Variants in TGIF1 observed in about 807,000 individuals in gnomAD.
TGIF1 encodes homeobox protein TGIF1.
A neutral mutation model predicts 19.3 loss-of-function variants in TGIF1; 4 were observed. The observed-to-expected ratio is 0.21, with a 90% confidence interval of 0.10 to 0.47. The LOEUF is 0.47. TGIF1 is among the 20% of genes least tolerant of loss of function. The pLI is 0.98. For missense variants in TGIF1, 275 were observed against 341.4 expected (o/e 0.81, Z 1.53); for synonymous variants, 122 against 129.3 (o/e 0.94, Z 0.38).
upstream of TGIF1, chr18:3,447,623 G>T (rs1011302816): frequency 8.8e-7 from 1 of 1,133,636 alleles, no homozygotes; most frequent in Non-Finnish European, 1.3e-6. Flanking sequence ...GTTGGCTGGG[G>T]GGAGGCAGTG....
Position 3,455,706 on chromosome 18 carries a change from A to C in TGIF1, c.17-648A>C, listed in dbSNP as rs1025244733. 3 of 155,306 alleles carry C rather than the reference A, an allele frequency of 1.9e-5. No homozygotes were observed. In the East Asian group the frequency reaches 5.7e-4, roughly 30 times the overall value. 9.6% of individuals were successfully genotyped at this position (155,306 alleles called of 1,614,324 possible). A position where few individuals can be genotyped will look rare whatever the true frequency, so the allele number is the denominator to read the frequency against. On this transcript the variant is annotated intron_variant, in intron 1 of 2. Transcript: ENST00000343820. ...TACTGCCCATTTAAAGTAGGTGTCTAACTTTGAATAAATGTGGATAGCAAT... is the reference window on the plus strand; with the variant it reads ...TACTGCCCATTTAAAGTAGGTGTCTCACTTTGAATAAATGTGGATAGCAAT...
chr18:3,453,964 C>A, intron 1 of TGIF1: 1 of 450,918 alleles, frequency 2.2e-6, no homozygotes, highest in Non-Finnish European at 2.9e-6. Context: ...TTTTTCCAAG[C>A]TGAGCCACAA....
intron 1 of TGIF1, among the ~76,000 whole-genome samples, chr18:3,417,568 A>G (rs959613127): frequency 3.5e-4 from 53 of 152,370 alleles, no homozygotes; most frequent in African/African-American, 1.1e-3. Context: ...CATGTAAAGT[A>G]TAATCCCATT....
At chr18:3,445,723 CAAAAAAAAAAA>C (rs141550400), upstream of TGIF1, among the ~76,000 whole-genome samples, 996 of 17,638 alleles carry the variant, frequency 0.056, 24 homozygotes, top group African/African-American at 0.19. Flanking sequence ...GACTCTGTCT[CAAAAAAAAAAA>C]AAAAAAAAAA....
At chr18:3,448,078 G>A (rs1290379095), upstream of TGIF1, 1 of 977,250 alleles carries the variant, frequency 1.0e-6, no homozygotes, top group Non-Finnish European at 1.2e-6. Flanking sequence ...GCGGGCGGGG[G>A]GGGAGGTAGG....
At chr18:3,440,360 A>G (rs951077425) in intron 2 of TGIF1, among the ~76,000 whole-genome samples, 3 of 152,342 alleles carry the variant, frequency 2.0e-5, no homozygotes, top group East Asian at 1.9e-4. Context: ...TCCAAAAAAA[A>G]AAAAAAAATT....
intron 2 of TGIF1, among the ~76,000 whole-genome samples, chr18:3,425,452 C>T (rs1011582129): frequency 7.9e-5 from 12 of 152,192 alleles, no homozygotes; most frequent in Admixed American, 5.9e-4. Flanking sequence ...GCCATTATTC[C>T]GAAAGTCATA....
rs536447307 is a variant in TGIF1, at chr18:3,423,745, C to T, written c.-45+5530C>T. Among the ~76,000 whole-genome samples the T allele has an allele frequency of 2.6e-5, 4 of 152,060 alleles. No homozygotes were observed. In the South Asian group the frequency reaches 8.3e-4, roughly 32 times the overall value. On this transcript the variant is annotated intron_variant, in intron 2 of 3. Coordinates refer to the TGIF1 transcript ENST00000401449. ...TGGTGCACACTTGCAATCCCAGCTA[C>T]TCGGGAGACTAAGGCAGGAGGATCA...
chr18:3,430,920 A>T (rs1167463230), intron 2 of TGIF1, among the ~76,000 whole-genome samples: 1 of 152,176 alleles, frequency 6.6e-6, no homozygotes, highest in Non-Finnish European at 1.5e-5. Context: ...AGCCTAAAAC[A>T]ATCTGAGACT....
At chr18:3,448,511 A>G (rs969103813), upstream of TGIF1, 10 of 989,946 alleles carry the variant, frequency 1.0e-5, no homozygotes, top group African/African-American at 5.2e-5. Flanking sequence ...GCTTGTCCCC[A>G]GGACCGCGCT....
chr18:3,418,745 A>G (rs2082363821), intron 2 of TGIF1: 1 of 152,202 alleles, frequency 6.6e-6, no homozygotes, highest in Admixed American at 6.6e-5. Flanking sequence ...AGATGGACTC[A>G]TTGGACTCTT....
In TGIF1 at chr18:3,458,429, A is replaced by G; in HGVS notation, c.*489A>G. ...TTTAAAAATTGTTGTAATTCAGAGT[A>G]TTTCTGTTGAGGGAGGTGCTTCTTA... On this transcript the variant is annotated 3_prime_UTR_variant, in exon 3 of 3. Transcript: ENST00000343820. 1 of 168,234 alleles carries G rather than the reference A, an allele frequency of 5.9e-6. No individual in the cohort carries two copies. Among genetic ancestry groups the G allele is most frequent in the Non-Finnish European group, 1.3e-5 (1 of 78,236 alleles). 10.4% of individuals were successfully genotyped at this position (168,234 alleles called of 1,614,324 possible).
At chr18:3,443,941 T>C (rs1462761603) in intron 2 of TGIF1, among the ~76,000 whole-genome samples, 2 of 151,262 alleles carry the variant, frequency 1.3e-5, no homozygotes, top group East Asian at 1.9e-4. Flanking sequence ...TCTTTCTTTT[T>C]TTTTTTTTTT....
intron 2 of TGIF1, among the ~76,000 whole-genome samples, chr18:3,435,715 C>A (rs890968874): frequency 6.6e-6 from 1 of 152,148 alleles, no homozygotes; most frequent in Non-Finnish European, 1.5e-5. Flanking sequence ...TAGAATAAAT[C>A]CCCAATAATT....
upstream of TGIF1, among the ~76,000 whole-genome samples, chr18:3,445,180 A>C (rs1246870912): frequency 6.6e-6 from 1 of 152,198 alleles, no homozygotes; most frequent in Non-Finnish European, 1.5e-5. Context: ...TGATCAGCGA[A>C]GACTCCTCTA....
intron 2 of TGIF1, among the ~76,000 whole-genome samples, chr18:3,438,596 A>ACACACACACACAC (rs1555647866): frequency 0.012 from 1,652 of 136,052 alleles, 27 homozygotes; most frequent in Non-Finnish European, 0.018. Context: ...CATACACACA[A>ACACACACACACAC]ACACACACAC....
chr18:3,457,315 G>T lies in TGIF1; in HGVS notation c.244-50G>T, dbSNP rs371284121. 1 of 1,592,460 alleles carries T rather than the reference G, an allele frequency of 6.3e-7. No homozygotes were observed. ...ACCCCATAGAACATTCTCAGAACCCGTTGGCTGAGTGAATGAGGAAAATGT... is the reference window on the plus strand; with the variant it reads ...ACCCCATAGAACATTCTCAGAACCCTTTGGCTGAGTGAATGAGGAAAATGT... On this transcript the variant is annotated intron_variant, in intron 2 of 2. Coordinates refer to ENST00000343820, the MANE Select transcript of TGIF1 (RefSeq NM_003244.4). The surrounding 1 kb of genome is among the most constrained non-coding windows in gnomAD (Gnocchi z 4.9).
Position 3,456,594 on chromosome 18 carries a change from G to C in TGIF1, c.243+14G>C, listed in dbSNP as rs1392635953. 6.2e-7 allele frequency: 1 copy of C among 1,612,456 alleles called. No homozygotes were observed. The highest frequency in any genetic ancestry group is 1.3e-5 in the African/African-American group (1 of 74,896). ...TCTACGCTACAGGTAAAGAAAGAGA[G>C]CGTGAGGTTTATGGATGCATTTTTA... is the stretch of plus-strand genomic sequence containing the variant. On this transcript the variant is annotated intron_variant, in intron 2 of 2. Coordinates refer to ENST00000343820, the MANE Select transcript of TGIF1 (RefSeq NM_003244.4). The surrounding 1 kb of genome is among the most constrained non-coding windows in gnomAD (Gnocchi z 4.2).
At chr18:3,432,230 A>G (rs1464812619) in intron 2 of TGIF1, among the ~76,000 whole-genome samples, 1 of 152,092 alleles carries the variant, frequency 6.6e-6, no homozygotes, top group East Asian at 1.9e-4. Flanking sequence ...ATGAGGAAAC[A>G]TGGGACTGCC....
Sources: allele counts gnomAD v4.1 joint callset (sites outside exome capture counted in the v4.1 genomes callset), GRCh38; gene constraint gnomAD v4.1.1; non-coding constraint Gnocchi (gnomAD v3.1); transcripts MANE v1.5; gene names NCBI Gene and HGNC (gene_info 2026-07-23, HGNC 2026-07-21).